Variants in KCNG2 observed in about 807,000 individuals in gnomAD.
KCNG2 encodes voltage-gated potassium channel regulatory subunit KCNG2.
A neutral mutation model predicts 12.3 loss-of-function variants in KCNG2; 7 were observed. The ratio of observed to expected loss-of-function variants is 0.57; its 90% CI spans 0.32 to 1.07. The LOEUF (loss-of-function observed/expected upper bound fraction) is 1.07. KCNG2 is among the 50% of genes least tolerant of loss of function. The probability of loss-of-function intolerance (pLI) is 0.04; values close to 1 mark genes in which losing one functional copy is unlikely to be tolerated. For missense variants in KCNG2, 703 were observed against 726.0 expected (o/e 0.97, Z 0.36); for synonymous variants, 414 against 351.4 (o/e 1.18, Z -1.99).
intron 1 of KCNG2, among the ~76,000 whole-genome samples, chr18:79,853,282 G>A (rs1339779729): frequency 6.6e-6 from 1 of 152,232 alleles, no homozygotes; most frequent in Non-Finnish European, 1.5e-5. Context: ...AAAGTGAGGT[G>A]GGCCTGGGCT....
At chr18:79,883,578 G>C (rs1980403463) in intron 3 of KCNG2, among the ~76,000 whole-genome samples, 2 of 152,222 alleles carry the variant, frequency 1.3e-5, no homozygotes, top group Admixed American at 1.3e-4. Context: ...GGCTGTGGCC[G>C]TGACCCAGGG....
At chr18:79,826,570 G>T (rs1349993847) in intron 1 of KCNG2, among the ~76,000 whole-genome samples, 2 of 145,900 alleles carry the variant, frequency 1.4e-5, no homozygotes, top group African/African-American at 5.2e-5. Flanking sequence ...CTCACGGAAG[G>T]TTAAGTTCGG....
At chr18:79,853,060 A>G (rs1978882201) in intron 1 of KCNG2, among the ~76,000 whole-genome samples, 1 of 152,128 alleles carries the variant, frequency 6.6e-6, no homozygotes, top group Non-Finnish European at 1.5e-5. Context: ...GCAGCCTGAG[A>G]CCATTCCTTC....
In KCNG2 at chr18:79,864,183, G is replaced by C; in HGVS notation, c.516G>C (p.Ser172=). 6.6e-7 allele frequency: 1 copy of C among 1,521,044 alleles called. No individual in the cohort carries two copies. Among genetic ancestry groups the C allele is most frequent in the Non-Finnish European group, 8.8e-7 (1 of 1,138,852 alleles). The allele number at this position is 1,521,044 out of a possible 1,614,324, so 94.2% of individuals were successfully genotyped here. ...RLRDVVDNPH[S]GLAGKLFACV... The stretch of plus-strand genomic sequence containing the variant: ...GCGACGTGGTGGACAACCCGCACTC[G>C]GGGCTGGCGGGCAAGCTCTTCGCCT... The change falls in exon 3 of 4, where the codon TCG becomes TCC. Residue 172 remains serine, a synonymous_variant. Transcript: ENST00000316249.
rs1330951186 is a variant in KCNG2 at position 79,800,208 on chromosome 18, G to A, written c.-115+2194G>A. On this transcript the variant is annotated intron_variant, in intron 1 of 3. Coordinates refer to ENST00000316249, the MANE Select transcript of KCNG2 (RefSeq NM_012283.2). This position sits in a 1 kb window ranked among gnomAD's most constrained non-coding sequence, Gnocchi z 4.0. Reference sequence around the variant, plus strand: ...GACAGGCATGAGCTCTGGGGGCCGGGAGGGGTGGTAGGGCCTGCAGGACGA... The same window carrying A: ...GACAGGCATGAGCTCTGGGGGCCGGAAGGGGTGGTAGGGCCTGCAGGACGA... 1.2e-4 allele frequency among the ~76,000 whole-genome samples: 18 copies of A among 152,302 alleles called. 1 individual carries two copies. In the East Asian group the frequency reaches 3.5e-3, roughly 29 times the overall value.
rs760794392 is a variant in KCNG2, at chr18:79,899,182, T to C, written c.767T>C (p.Ile256Thr). 5.6e-6 allele frequency: 9 copies of C among 1,604,394 alleles called. No individual in the cohort carries two copies. Among genetic ancestry groups the C allele is most frequent in the Non-Finnish European group, 6.8e-6 (8 of 1,179,496 alleles). Residue 256 changes from isoleucine to threonine, a missense_variant, in exon 4 of 4, where the codon ATC (isoleucine) becomes ACC (threonine). Physicochemically the swap from Ile to Thr is moderately conservative, Grantham distance 89. Coordinates refer to ENST00000316249, the MANE Select transcript of KCNG2 (RefSeq NM_012283.2). ...CGCGCGCCACTCAACATCATTGACATCCTGGCGCTCCTGCCGTTCTACGTG... is the reference window on the plus strand; with the variant it reads ...CGCGCGCCACTCAACATCATTGACACCCTGGCGCTCCTGCCGTTCTACGTG... Reference protein sequence around the residue: ...FLRAPLNIIDILALLPFYVSL... With the variant: ...FLRAPLNIIDTLALLPFYVSL...
intron 3 of KCNG2, among the ~76,000 whole-genome samples, chr18:79,868,580 G>A (rs989480506): frequency 2.0e-5 from 3 of 152,240 alleles, no homozygotes; most frequent in Non-Finnish European, 4.4e-5. Flanking sequence ...ATGAGAATTG[G>A]CGTGTTGGTG....
intron 1 of KCNG2, among the ~76,000 whole-genome samples, chr18:79,832,242 A>G (rs771907392): frequency 3.8e-5 from 5 of 131,790 alleles, no homozygotes; most frequent in Non-Finnish European, 8.0e-5. Context: ...TCACCTGCTC[A>G]TCCTCACCCG....
In KCNG2 at chr18:79,899,169, A is replaced by C. The variant is rs1333711004; in HGVS notation, c.754A>C (p.Asn252His). 6.2e-7 allele frequency: 1 copy of C among 1,606,064 alleles called. No homozygotes were observed. Among genetic ancestry groups the C allele is most frequent in the Non-Finnish European group, 8.5e-7 (1 of 1,179,606 alleles). ...SKCAFLRAPL[N>H]IIDILALLPF... ...GTGCGCCTTCCTGCGCGCGCCACTC[A>C]ACATCATTGACATCCTGGCGCTCCT... Residue 252 changes from asparagine to histidine, a missense_variant, in exon 4 of 4, where the codon AAC becomes CAC. Transcript: ENST00000316249.
At chr18:79,867,490 TGG>T (rs35678207) in intron 3 of KCNG2, among the ~76,000 whole-genome samples, 1 of 46,894 alleles carries the variant, frequency 2.1e-5, no homozygotes, top group Non-Finnish European at 3.7e-5. Context: ...GTGTCGTGTC[TGG>T]GGGGGGGATC....
In KCNG2 at chr18:79,803,884, G is replaced by C. The variant is rs988966991; in HGVS notation, c.-115+5870G>C. On this transcript the variant is annotated intron_variant, in intron 1 of 3. Transcript: ENST00000316249. This position sits in a 1 kb window ranked among gnomAD's most constrained non-coding sequence, Gnocchi z 4.5. ...CTGAGGCCTCCGTGTTGGTTTCTCC[G>C]GGGTTGGTGCCGGTGGATCAGAATC... Among the ~76,000 whole-genome samples the C allele has an allele frequency of 6.6e-6, 1 of 152,212 alleles. No homozygotes were observed. Among genetic ancestry groups the C allele is most frequent in the African/African-American group, 2.4e-5 (1 of 41,454 alleles).
At chr18:79,859,334 T>C (rs899854688) in intron 2 of KCNG2, among the ~76,000 whole-genome samples, 1 of 152,240 alleles carries the variant, frequency 6.6e-6, no homozygotes, top group Non-Finnish European at 1.5e-5. Flanking sequence ...AAGCTTGTGA[T>C]GTCATCATGA....
At chr18:79,882,731 C>T (rs1031474568) in intron 3 of KCNG2, among the ~76,000 whole-genome samples, 5 of 150,590 alleles carry the variant, frequency 3.3e-5, no homozygotes, top group South Asian at 4.4e-4. Flanking sequence ...AGTGGCGAGG[C>T]TGCCATGGAG....
intron 3 of KCNG2, among the ~76,000 whole-genome samples, chr18:79,879,784 G>A (rs1023567265): frequency 6.6e-5 from 10 of 152,104 alleles, no homozygotes; most frequent in South Asian, 2.1e-4. Flanking sequence ...GAATGGAAAC[G>A]CACGCGTGTC....
chr18:79,879,162 G>C (rs1002253630), intron 3 of KCNG2, among the ~76,000 whole-genome samples: 19 of 152,204 alleles, frequency 1.2e-4, no homozygotes, highest in African/African-American at 4.3e-4. Flanking sequence ...CAGACCTCCA[G>C]CCCCCACAGG....
At position 79,840,392 on chromosome 18, in the gene KCNG2, G is replaced by A. The variant is rs138601595; in HGVS notation, c.-114-15987G>A. On this transcript the variant is annotated intron_variant, in intron 1 of 3. Transcript: ENST00000316249. ...TTGTTCAACAAAATGAAATACTTAG[G>A]TATGAGTCTAGCAATACACATATAG... Among the ~76,000 whole-genome samples, 78 of 152,196 alleles carry A rather than the reference G, an allele frequency of 5.1e-4. No individual in the cohort carries two copies. In the East Asian group the frequency reaches 0.014, roughly 26 times the overall value.
chr18:79,858,567 G>C lies in KCNG2; in HGVS notation c.-41+2115G>C, dbSNP rs145491925. 1.6e-3 allele frequency among the ~76,000 whole-genome samples: 240 copies of C among 152,254 alleles called. 2 individuals are homozygous for C. The highest frequency in any genetic ancestry group is 4.8e-3 in the African/African-American group (200 of 41,542). On this transcript the variant is annotated intron_variant, in intron 2 of 3. Transcript: ENST00000316249. ...TTTGTGTGAACACATGTTTTCATTT[G>C]TCTTGAGTGTACATCTCGGAGTGGG...
At chr18:79,829,788 T>C (rs549469299) in intron 1 of KCNG2, among the ~76,000 whole-genome samples, 2 of 152,330 alleles carry the variant, frequency 1.3e-5, no homozygotes, top group African/African-American at 2.4e-5. Flanking sequence ...GGCAGCCTGG[T>C]TGGCCTTAAG....
chr18:79,813,596 C>A (rs867973270), intron 1 of KCNG2, among the ~76,000 whole-genome samples: 1 of 152,152 alleles, frequency 6.6e-6, no homozygotes, highest in Non-Finnish European at 1.5e-5. Flanking sequence ...CCACCTGCTA[C>A]ACAAATCAAC....
Sources: allele counts gnomAD v4.1 joint callset (sites outside exome capture counted in the v4.1 genomes callset), GRCh38; gene constraint gnomAD v4.1.1; non-coding constraint Gnocchi (gnomAD v3.1); transcripts MANE v1.5; gene names NCBI Gene and HGNC (gene_info 2026-07-23, HGNC 2026-07-21).